Variants in JAK2 observed in about 807,000 individuals in gnomAD.
The protein encoded by JAK2 is tyrosine-protein kinase JAK2.
Under a neutral mutation model 139.3 loss-of-function variants are expected in JAK2, and 86 were observed. The observed-to-expected ratio is 0.62, with a 90% CI of 0.52 to 0.74. The LOEUF is 0.74. Ranked by LOEUF, JAK2 falls within the 30% of genes least tolerant of loss-of-function variation. The probability of loss-of-function intolerance (pLI) is 0.00; values close to 1 mark genes in which losing one functional copy is unlikely to be tolerated. For synonymous variants in JAK2, 490 were observed against 437.7 expected (o/e 1.12, Z -1.49); for missense variants, 1,421 against 1,360.3 (o/e 1.04, Z -0.70).
At chr9:5,081,953 T>A in intron 19 of JAK2, 92 bp downstream of exon 19, 1 of 1,038,724 alleles carries the variant, frequency 9.6e-7, no homozygotes. Context: ...TACAACATTT[T>A]AAGGAGTGCT....
intron 8 of JAK2, among the ~76,000 whole-genome samples, chr9:5,064,015 GCGT>G: frequency 1.3e-5 from 2 of 152,076 alleles, no homozygotes; most frequent in South Asian, 2.1e-4. Flanking sequence ...AATTAGCCGG[GCGT>G]CTTGGCGTGT....
chr9:5,057,364 G>A (rs1317981132), intron 8 of JAK2, among the ~76,000 whole-genome samples: 2 of 151,332 alleles, frequency 1.3e-5, no homozygotes, highest in Non-Finnish European at 2.9e-5. Flanking sequence ...CTTCATTCTG[G>A]CATTTATTTC....
At chr9:5,037,100 G>GA (rs1398801694) in intron 4 of JAK2, among the ~76,000 whole-genome samples, 2 of 152,052 alleles carry the variant, frequency 1.3e-5, no homozygotes, top group Admixed American at 1.3e-4. Context: ...CAAAAGACAT[G>GA]AAAAAATGCT....
At position 5,101,570 on chromosome 9, in the gene JAK2, G is replaced by A. The variant is rs567261742; in HGVS notation, c.3059+10659G>A. Among the ~76,000 whole-genome samples, 25 of 152,380 alleles carry A rather than the reference G, an allele frequency of 1.6e-4. No homozygotes were observed. In the South Asian group the frequency reaches 4.1e-3, roughly 25 times the overall value. On this transcript the variant is annotated intron_variant, in intron 22 of 24. Coordinates refer to ENST00000381652, the MANE Select transcript of JAK2 (RefSeq NM_004972.4). Reference sequence around the variant, plus strand: ...TTTGAGCTCTGACAATGGACAGACTGCCTCAGGTGGATCCCTGATGCTTCT... The same window carrying A: ...TTTGAGCTCTGACAATGGACAGACTACCTCAGGTGGATCCCTGATGCTTCT...
intron 8 of JAK2, among the ~76,000 whole-genome samples, chr9:5,058,810 A>AT (rs1817955457): frequency 6.6e-6 from 1 of 152,140 alleles, no homozygotes; most frequent in East Asian, 1.9e-4. Context: ...GCGTCTTTTC[A>AT]TATATGTATT....
chr9:5,014,313 C>G (rs1458178204), intron 2 of JAK2, among the ~76,000 whole-genome samples: 4 of 151,926 alleles, frequency 2.6e-5, no homozygotes, highest in African/African-American at 7.3e-5. Context: ...CTCTTATTTA[C>G]TCTTTATTCA....
At chr9:4,996,928 CTTT>C (rs1166992356) in intron 2 of JAK2, among the ~76,000 whole-genome samples, 380 of 94,668 alleles carry the variant, frequency 4.0e-3, no homozygotes, top group African/African-American at 0.016. Flanking sequence ...TTAGTTTGTT[CTTT>C]TTTTTTTTTT....
chr9:5,010,136 C>A (rs1211749172), intron 2 of JAK2, among the ~76,000 whole-genome samples: 3 of 152,136 alleles, frequency 2.0e-5, no homozygotes, highest in East Asian at 1.9e-4. Context: ...TACTTTTGAT[C>A]TTCCTGGAAT....
chr9:5,080,491 C>T (rs1819613045), intron 17 of JAK2, 42 bp from the exon 18 acceptor site: 2 of 1,548,758 alleles, frequency 1.3e-6, no homozygotes, highest in African/African-American at 1.4e-5. Flanking sequence ...GTTGGTGTGG[C>T]ATTACACAAT....
intron 4 of JAK2, among the ~76,000 whole-genome samples, chr9:5,033,923 C>A (rs1364382668): frequency 2.6e-5 from 4 of 152,098 alleles, no homozygotes; most frequent in East Asian, 1.9e-4. Flanking sequence ...GCTAAATGCT[C>A]CAATTAAAAG....
At chr9:5,086,234 A>G in intron 19 of JAK2, 2 of 599,392 alleles carry the variant, frequency 3.3e-6, no homozygotes, top group Non-Finnish European at 2.1e-6. Context: ...CGGAGTCTGA[A>G]AGTCGCGGTA....
intron 5 of JAK2, 50 bp downstream of exon 5, chr9:5,044,570 G>T: frequency 1.7e-6 from 2 of 1,164,808 alleles, no homozygotes; most frequent in Non-Finnish European, 2.5e-6. Context: ...TAAATATCTT[G>T]CTGTTTAATA....
chr9:5,037,361 A>G (rs1816126849), intron 4 of JAK2, among the ~76,000 whole-genome samples: 1 of 152,236 alleles, frequency 6.6e-6, no homozygotes, highest in Non-Finnish European at 1.5e-5. Context: ...TACTGGGTAT[A>G]TACCCAAAGG....
chr9:5,066,311 T>C (rs1818565705), intron 9 of JAK2, among the ~76,000 whole-genome samples: 1 of 152,156 alleles, frequency 6.6e-6, no homozygotes, highest in South Asian at 2.1e-4. Context: ...AGTAGAGATA[T>C]AAGTATTTTC....
chr9:5,111,928 C>T (rs1822601317), intron 22 of JAK2: 4 of 349,538 alleles, frequency 1.1e-5, no homozygotes, highest in South Asian at 2.2e-5. Context: ...ATCTACTCTC[C>T]GGATCACTCA....
At chr9:5,004,528 G>A (rs184637178) in intron 2 of JAK2, among the ~76,000 whole-genome samples, 3 of 152,050 alleles carry the variant, frequency 2.0e-5, no homozygotes, top group East Asian at 3.9e-4. Context: ...TTCTTTATCA[G>A]TTCATCTGTT....
At chr9:5,009,964 G>T (rs1042583366) in intron 2 of JAK2, among the ~76,000 whole-genome samples, 2 of 152,056 alleles carry the variant, frequency 1.3e-5, no homozygotes, top group Non-Finnish European at 2.9e-5. Flanking sequence ...GTAGAGACAG[G>T]GTCTCGCAAT....
At chr9:5,124,250 A>G (rs183087953) in intron 23 of JAK2, among the ~76,000 whole-genome samples, 3 of 151,708 alleles carry the variant, frequency 2.0e-5, no homozygotes, top group Admixed American at 6.6e-5. Flanking sequence ...TTTGTTGCCT[A>G]TGCTTTTGAG....
At chr9:5,001,864 C>G (rs1277137420) in intron 2 of JAK2, among the ~76,000 whole-genome samples, 1 of 152,064 alleles carries the variant, frequency 6.6e-6, no homozygotes, top group Non-Finnish European at 1.5e-5. Flanking sequence ...AGATATGATA[C>G]TATTCAAGGT....
Sources: allele counts gnomAD v4.1 joint callset (sites outside exome capture counted in the v4.1 genomes callset), GRCh38; gene constraint gnomAD v4.1.1; transcripts MANE v1.5; gene names NCBI Gene and HGNC (gene_info 2026-07-23, HGNC 2026-07-21).